PDE10A: variants seen among roughly 807,000 people sequenced by gnomAD.
PDE10A encodes the protein phosphodiesterase 10A.
PDE10A carries 39 observed loss-of-function variants against 97.7 expected under a neutral mutation model. The observed-to-expected ratio is 0.40, with a 90% CI of 0.31 to 0.52. The LOEUF (loss-of-function observed/expected upper bound fraction) is 0.52, where lower values mean the gene tolerates loss of function less well. Among genes scored for constraint, PDE10A ranks in the 20% least tolerant of loss-of-function variants. The pLI, the probability that PDE10A is intolerant of heterozygous loss-of-function variation, is 0.56. For missense variants in PDE10A, 731 were observed against 1,047.8 expected (o/e 0.70, Z 4.17); for synonymous variants, 371 against 376.8 (o/e 0.98, Z 0.18).
chr6:165,392,111 T>C (rs1301020910), intron 16 of PDE10A, among the ~76,000 whole-genome samples: 2 of 152,194 alleles, frequency 1.3e-5, no homozygotes, highest in Non-Finnish European at 2.9e-5. Context: ...TTGACTGTGG[T>C]TGATGAATGG....
rs978758507 is a variant in PDE10A, at chr6:165,795,760, A to G, written c.-615+191769T>C. Reference sequence around the variant, plus strand: ...CAAGAGAAAAACTCCATCTCAAAAAAAAAGTCAAGGCTCGCAACTTAATGT... The same window carrying G: ...CAAGAGAAAAACTCCATCTCAAAAAGAAAGTCAAGGCTCGCAACTTAATGT... On this transcript the variant is annotated intron_variant, in intron 1 of 19. Transcript: ENST00000366882. 5.7e-4 allele frequency among the ~76,000 whole-genome samples: 87 copies of G among 152,114 alleles called. 1 individual carries two copies. The highest frequency in any genetic ancestry group is 4.9e-4 in the Non-Finnish European group (33 of 68,020).
intron 1 of PDE10A, among the ~76,000 whole-genome samples, chr6:165,866,831 A>G (rs74902118): frequency 0.024 from 3,703 of 151,976 alleles, 61 homozygotes; most frequent in South Asian, 0.097. Flanking sequence ...CAAGAATGCT[A>G]TACCCACCAA....
chr6:165,938,638 C>A (rs1218039355), intron 1 of PDE10A, among the ~76,000 whole-genome samples: 3 of 152,062 alleles, frequency 2.0e-5, no homozygotes, highest in Admixed American at 2.0e-4. Context: ...TGGCTGATGT[C>A]TTCTAAAACA....
At chr6:165,564,826 A>G (rs1381635578) in intron 1 of PDE10A, among the ~76,000 whole-genome samples, 5 of 152,240 alleles carry the variant, frequency 3.3e-5, no homozygotes, top group Non-Finnish European at 7.3e-5. Flanking sequence ...CCTGAAAGTG[A>G]GAAGTTAACT....
intron 18 of PDE10A, among the ~76,000 whole-genome samples, chr6:165,347,328 A>G (rs1782380218): frequency 6.6e-6 from 1 of 152,186 alleles, no homozygotes; most frequent in Non-Finnish European, 1.5e-5. Context: ...ACTGTTTCCA[A>G]TAACATAAAT....
chr6:165,874,253 G>C (rs1781276567), intron 1 of PDE10A, among the ~76,000 whole-genome samples: 1 of 152,146 alleles, frequency 6.6e-6, no homozygotes, highest in African/African-American at 2.4e-5. Flanking sequence ...TTCAAATGTG[G>C]AGACAGATTC....
intron 1 of PDE10A, among the ~76,000 whole-genome samples, chr6:165,566,199 C>A (rs1196489736): frequency 6.6e-6 from 1 of 151,984 alleles, no homozygotes; most frequent in Non-Finnish European, 1.5e-5. Flanking sequence ...AAGACTTAAC[C>A]CAGAATAGAC....
chr6:165,876,726 C>A (rs566772033), intron 1 of PDE10A, among the ~76,000 whole-genome samples: 11 of 152,132 alleles, frequency 7.2e-5, no homozygotes, highest in African/African-American at 2.7e-4. Flanking sequence ...AGCCTCCGTG[C>A]GTCACGGAGC....
chr6:165,691,410 G>C (rs1221942028), intron 1 of PDE10A, among the ~76,000 whole-genome samples: 1 of 152,032 alleles, frequency 6.6e-6, no homozygotes, highest in Non-Finnish European at 1.5e-5. Context: ...TAACCTAAGA[G>C]CAACAGGCCA....
chr6:165,411,019 G>A (rs1423604146), intron 13 of PDE10A, among the ~76,000 whole-genome samples: 2 of 100,532 alleles, frequency 2.0e-5, no homozygotes, highest in Non-Finnish European at 3.9e-5. Context: ...CCCGGGAGGC[G>A]GAGCTTGCAG....
intron 1 of PDE10A, among the ~76,000 whole-genome samples, chr6:165,803,934 C>T (rs902838899): frequency 6.6e-6 from 1 of 152,212 alleles, no homozygotes; most frequent in Non-Finnish European, 1.5e-5. Context: ...TCCCCAACCC[C>T]AGCTCATCTG....
At chr6:165,720,234 T>C (rs1216741346) in intron 1 of PDE10A, among the ~76,000 whole-genome samples, 1 of 152,094 alleles carries the variant, frequency 6.6e-6, no homozygotes, top group Non-Finnish European at 1.5e-5. Context: ...TGCATTTCAG[T>C]ACTATTTATT....
intron 5 of PDE10A, among the ~76,000 whole-genome samples, chr6:165,437,158 T>C (rs568263771): frequency 2.4e-4 from 36 of 152,272 alleles, no homozygotes; most frequent in African/African-American, 7.5e-4. Context: ...ACAGTAACTC[T>C]GTATTTTTTG....
chr6:165,660,107 C>CA lies in PDE10A; in HGVS notation c.865+1839dup, dbSNP rs1168780864. On this transcript the variant is annotated intron_variant, in intron 1 of 21. Coordinates refer to ENST00000539869, the MANE Select transcript of PDE10A (RefSeq NM_001385079.1). ...GTTTATTTTCTTAAGAAAGAATTCA[C>CA]AAGCCCACCAGATAGGGGACCAGGA... 4 of 152,426 alleles carry CA rather than the reference C, an allele frequency of 2.6e-5. No individual in the cohort carries two copies. The East Asian group carries it at 7.7e-4, about 29-fold the overall frequency. The allele number at this position is 152,426 out of a possible 1,614,324, so 9.4% of individuals were successfully genotyped here. A position where few individuals can be genotyped will look rare whatever the true frequency, so the allele number is the denominator to read the frequency against.
intron 1 of PDE10A, among the ~76,000 whole-genome samples, chr6:165,546,096 A>G (rs1025193884): frequency 1.3e-5 from 2 of 152,086 alleles, no homozygotes; most frequent in African/African-American, 4.8e-5. Flanking sequence ...GAAACGGGCT[A>G]ACAAGCCATG....
intron 1 of PDE10A, among the ~76,000 whole-genome samples, chr6:165,674,397 A>T (rs1244954891): frequency 6.6e-6 from 1 of 151,804 alleles, no homozygotes; most frequent in African/African-American, 2.4e-5. Context: ...GATCCGCCAC[A>T]TCCCAGCTGC....
At chr6:165,731,905 T>C (rs1273076267) in intron 1 of PDE10A, among the ~76,000 whole-genome samples, 1 of 152,238 alleles carries the variant, frequency 6.6e-6, no homozygotes, top group Non-Finnish European at 1.5e-5. Context: ...AATAAGGATA[T>C]GCCCATGTTG....
chr6:165,476,923 C>T (rs1384406239), intron 3 of PDE10A, among the ~76,000 whole-genome samples: 2 of 152,176 alleles, frequency 1.3e-5, no homozygotes, highest in East Asian at 3.9e-4. Flanking sequence ...CATCCAAATA[C>T]TCTTCCTATT....
chr6:165,437,618 A>G (rs1376454866), intron 5 of PDE10A, among the ~76,000 whole-genome samples: 3 of 152,256 alleles, frequency 2.0e-5, no homozygotes, highest in Non-Finnish European at 2.9e-5. Context: ...TAATTAGCTC[A>G]TGATTTTTGT....
Sources: gnomAD v4.1 joint callset for allele counts (sites outside exome capture counted in the v4.1 genomes callset) on GRCh38, gnomAD v4.1.1 for gene constraint, MANE v1.5 for transcripts, NCBI Gene and HGNC (gene_info 2026-07-23, HGNC 2026-07-21) for gene names.